MACO1: variants seen among roughly 807,000 people sequenced by gnomAD.
MACO1 encodes macoilin 1.
MACO1 carries 14 observed loss-of-function variants against 78.7 expected under a neutral mutation model. The ratio of observed to expected loss-of-function variants is 0.18; its 90% confidence interval spans 0.12 to 0.28. MACO1 has a LOEUF of 0.28. Ranked by LOEUF, MACO1 falls within the 10% of genes least tolerant of loss-of-function variation. The pLI, the probability that MACO1 is intolerant of heterozygous loss-of-function variation, is 1.00. For missense variants in MACO1, 501 were observed against 799.0 expected (o/e 0.63, Z 4.50); for synonymous variants, 288 against 291.6 (o/e 0.99, Z 0.12).
rs563089497 is a variant in MACO1 at position 25,470,759 on chromosome 1, T to C, written c.1154+11867T>C. On this transcript the variant is annotated intron_variant, in intron 6 of 10. Transcript: ENST00000374343. Reference sequence around the variant, plus strand: ...AAATATGGGTAGGGGCCGGGCTCAGTGGTTCACACCTGTAATCCCACACTT... The same window carrying C: ...AAATATGGGTAGGGGCCGGGCTCAGCGGTTCACACCTGTAATCCCACACTT... Among the ~76,000 whole-genome samples the C allele has an allele frequency of 5.3e-5, 8 of 152,304 alleles. No homozygotes were observed. The South Asian group carries it at 1.7e-3, about 32-fold the overall frequency.
chr1:25,432,734 C>T (rs2042886974), intron 1 of MACO1, among the ~76,000 whole-genome samples: 1 of 152,182 alleles, frequency 6.6e-6, no homozygotes, highest in Non-Finnish European at 1.5e-5. Flanking sequence ...GGATATTAAA[C>T]CGAGTTGGTA....
At chr1:25,482,035 G>T (rs1053333894) in intron 6 of MACO1, among the ~76,000 whole-genome samples, 4 of 152,138 alleles carry the variant, frequency 2.6e-5, no homozygotes, top group African/African-American at 9.7e-5. Context: ...ACTGTGGAGG[G>T]CTCTGGGGAT....
chr1:25,498,272 C>T lies in MACO1; in HGVS notation c.1801C>T (p.Leu601Phe). The change falls in exon 11 of 11, where the codon CTT becomes TTT. Residue 601 changes from leucine to phenylalanine, a missense_variant. Leu to Phe is a conservative substitution (Grantham distance 22). Coordinates refer to ENST00000374343, the MANE Select transcript of MACO1 (RefSeq NM_018202.6). ...GGTCTTTGATCTTACAGGACAAATCCTTCAGAAAGATCAGGAAATCAAGGA... is the reference window on the plus strand; with the variant it reads ...GGTCTTTGATCTTACAGGACAAATCTTTCAGAAAGATCAGGAAATCAAGGA... ...RQLEIAQGQI[L>F]QKDQEIKDLK... 1 of 1,614,150 alleles carries T rather than the reference C, an allele frequency of 6.2e-7. No homozygotes were observed. The highest frequency in any genetic ancestry group is 8.5e-7 in the Non-Finnish European group (1 of 1,180,028).
At chr1:25,433,423 A>T (rs1047927082) in intron 1 of MACO1, among the ~76,000 whole-genome samples, 1 of 152,238 alleles carries the variant, frequency 6.6e-6, no homozygotes, top group Admixed American at 6.5e-5. Context: ...AGTCTATGCT[A>T]AGTTGTTTTT....
intron 10 of MACO1, 95 bp downstream of exon 10, chr1:25,491,679 A>T (rs1240205023): frequency 9.6e-7 from 1 of 1,043,428 alleles, no homozygotes; most frequent in Non-Finnish European, 1.4e-6. Context: ...ACCAAGGGGC[A>T]TTTCAGTTTT....
chr1:25,461,817 T>G (rs928461183), intron 6 of MACO1, among the ~76,000 whole-genome samples: 1 of 152,248 alleles, frequency 6.6e-6, no homozygotes, highest in Non-Finnish European at 1.5e-5. Context: ...ATAACCAAAT[T>G]GTTAACAATA....
intron 10 of MACO1, among the ~76,000 whole-genome samples, chr1:25,497,380 C>CAAAA (rs66898111): frequency 5.5e-5 from 7 of 126,590 alleles, no homozygotes; most frequent in African/African-American, 2.1e-4. Flanking sequence ...AACTCCATCT[C>CAAAA]AAAAAAAAAA....
chr1:25,454,468 GTGTATATA>G (rs2043100038), intron 4 of MACO1, 86 bp downstream of exon 4: 2 of 153,048 alleles, frequency 1.3e-5, no homozygotes, highest in South Asian at 4.7e-4. Context: ...GTGTGTGTGT[GTGTATATA>G]TATATATATA....
intron 1 of MACO1, among the ~76,000 whole-genome samples, chr1:25,443,788 G>A (rs2124573717): frequency 6.6e-6 from 1 of 152,206 alleles, no homozygotes; most frequent in East Asian, 1.9e-4. Flanking sequence ...ATTTTGGGCA[G>A]AAAGCAATTG....
intron 4 of MACO1, 104 bp downstream of exon 4, chr1:25,454,486 A>ATATATATATATT (rs2043100858): frequency 7.0e-6 from 1 of 143,248 alleles, no homozygotes; most frequent in South Asian, 3.0e-4. Context: ...ATATATATAT[A>ATATATATATATT]TATTTTTTTT....
At chr1:25,487,178 G>A (rs920347789) in intron 8 of MACO1, among the ~76,000 whole-genome samples, 2 of 151,966 alleles carry the variant, frequency 1.3e-5, no homozygotes, top group African/African-American at 4.8e-5. Context: ...TTTTGAGACG[G>A]AGTCTAACTC....
chr1:25,433,775 G>C (rs1263369927), intron 1 of MACO1, among the ~76,000 whole-genome samples: 1 of 152,206 alleles, frequency 6.6e-6, no homozygotes, highest in Non-Finnish European at 1.5e-5. Context: ...AATGAGTTTT[G>C]AGGACTAAAG....
intron 4 of MACO1, among the ~76,000 whole-genome samples, chr1:25,454,913 C>G (rs1050963521): frequency 5.3e-5 from 8 of 152,292 alleles, no homozygotes; most frequent in South Asian, 2.1e-4. Context: ...ATGAGCCCCC[C>G]CTTTTCAGGC....
Position 25,465,747 on chromosome 1 carries a change from C to T in MACO1, c.1154+6855C>T, listed in dbSNP as rs78578881. Among the ~76,000 whole-genome samples the T allele has an allele frequency of 5.0e-4, 76 of 152,326 alleles. 1 individual carries two copies. In the East Asian group the frequency reaches 0.013, roughly 26 times the overall value. On this transcript the variant is annotated intron_variant, in intron 6 of 10. Coordinates refer to ENST00000374343, the MANE Select transcript of MACO1 (RefSeq NM_018202.6). The stretch of plus-strand genomic sequence containing the variant: ...ACATTTTACCTGTTAACCAACTTCT[C>T]ATTATCGACCCTCCTTCTACCCCCT...
At chr1:25,440,918 G>C (rs1029034459) in intron 1 of MACO1, among the ~76,000 whole-genome samples, 1 of 152,194 alleles carries the variant, frequency 6.6e-6, no homozygotes, top group Admixed American at 6.5e-5. Flanking sequence ...GTGGCAGGTA[G>C]GCCAAATGGA....
intron 3 of MACO1, among the ~76,000 whole-genome samples, chr1:25,450,463 C>T (rs1427857216): frequency 3.3e-5 from 5 of 152,062 alleles, no homozygotes; most frequent in Non-Finnish European, 7.4e-5. Context: ...TCAAATTTGT[C>T]TGCAAAGCTG....
chr1:25,498,122 C>T (rs576790096), intron 10 of MACO1, 142 bp from the exon 11 acceptor site: 12 of 722,216 alleles, frequency 1.7e-5, no homozygotes, highest in African/African-American at 1.2e-4. Flanking sequence ...TGTCCCATTA[C>T]AGGACAAGTT....
intron 6 of MACO1, among the ~76,000 whole-genome samples, chr1:25,479,092 T>G (rs2043347885): frequency 6.6e-6 from 1 of 152,214 alleles, no homozygotes; most frequent in South Asian, 2.1e-4. Flanking sequence ...TATCCCTGTC[T>G]GCTGAGATTA....
intron 6 of MACO1, among the ~76,000 whole-genome samples, chr1:25,473,756 A>C (rs2043295434): frequency 1.3e-5 from 2 of 152,246 alleles, no homozygotes; most frequent in African/African-American, 4.8e-5. Context: ...TATCATTTAG[A>C]AACTGGCTAT....
Sources: allele counts gnomAD v4.1 joint callset (sites outside exome capture counted in the v4.1 genomes callset), GRCh38; gene constraint gnomAD v4.1.1; transcripts MANE v1.5; gene names NCBI Gene and HGNC (gene_info 2026-07-23, HGNC 2026-07-21).